The following GEMIN7 variants were observed in gnomAD, a reference collection of about 807,000 sequenced individuals.
GEMIN7 encodes gem-associated protein 7.
In GEMIN7, 7 loss-of-function variants were observed where a neutral mutation model predicts 7.8. That is an observed-to-expected ratio of 0.90 (90% CI 0.51 to 1.69). The LOEUF (loss-of-function observed/expected upper bound fraction) is 1.69, where lower values mean the gene tolerates loss of function less well. GEMIN7 is among the 40% of genes most tolerant of loss of function. GEMIN7 has a pLI of 0.00. For synonymous variants in GEMIN7, 68 were observed against 72.4 expected, an observed-to-expected ratio of 0.94 and a Z score of 0.31; for missense variants, 159 against 176.2, an observed-to-expected ratio of 0.90 and a Z score of 0.55.
upstream of GEMIN7, among the ~76,000 whole-genome samples, chr19:45,078,054 A>G (rs1967390815): frequency 6.8e-6 from 1 of 147,462 alleles, no homozygotes; most frequent in Non-Finnish European, 1.5e-5. Flanking sequence ...TTTAAGTTCC[A>G]TGGCAACCCA....
At chr19:45,079,754 A>AG (rs1353194185) in intron 1 of GEMIN7, among the ~76,000 whole-genome samples, 153 bp from the exon 2 acceptor site, 1 of 152,300 alleles carries the variant, frequency 6.6e-6, no homozygotes, top group East Asian at 1.9e-4. Flanking sequence ...GACCGGCCCC[A>AG]GGGGAGAAGG....
chr19:45,087,792 G>GGT (rs2122680491), intron 2 of GEMIN7, among the ~76,000 whole-genome samples: 1 of 152,176 alleles, frequency 6.6e-6, no homozygotes, highest in African/African-American at 2.4e-5. Context: ...GGGGGGTGAA[G>GGT]GTGGAAGCCA....
intron 2 of GEMIN7, among the ~76,000 whole-genome samples, chr19:45,081,671 T>G (rs1258098228): frequency 1.3e-5 from 2 of 151,998 alleles, no homozygotes; most frequent in Non-Finnish European, 1.5e-5. Flanking sequence ...CTGTCATCCA[T>G]GCTGGAATGC....
intron 2 of GEMIN7, among the ~76,000 whole-genome samples, chr19:45,081,338 C>T (rs1350388801): frequency 6.6e-6 from 1 of 151,868 alleles, no homozygotes; most frequent in Admixed American, 6.6e-5. Context: ...CGCCTGTAGT[C>T]CTAGTTACTT....
intron 1 of GEMIN7, among the ~76,000 whole-genome samples, chr19:45,079,660 A>G (rs1340439837): frequency 1.3e-5 from 2 of 152,142 alleles, no homozygotes; most frequent in Non-Finnish European, 2.9e-5. Flanking sequence ...CGGTGTGGGG[A>G]GTGGACGCCT....
rs537145515 is a variant in GEMIN7 at position 45,081,741 on chromosome 19, C to T, written c.-9+1712C>T. Among the ~76,000 whole-genome samples, 5 of 152,176 alleles carry T rather than the reference C, an allele frequency of 3.3e-5. No individual in the cohort carries two copies. In the East Asian group the frequency reaches 9.7e-4, roughly 30 times the overall value. On this transcript the variant is annotated intron_variant, in intron 2 of 2. Coordinates refer to ENST00000270257, the MANE Select transcript of GEMIN7 (RefSeq NM_024707.3). ...TCCCGGGTTCAAGCGATTCTTCTGCCTCAGCCTCCCGAGTAGCTGGGATTA... is the reference window on the plus strand; with the variant it reads ...TCCCGGGTTCAAGCGATTCTTCTGCTTCAGCCTCCCGAGTAGCTGGGATTA...
upstream of GEMIN7, chr19:45,076,076 CG>C: frequency 6.3e-7 from 1 of 1,581,422 alleles, no homozygotes; most frequent in Non-Finnish European, 8.6e-7. The surrounding 1 kb of genome is among the most constrained non-coding windows in gnomAD (Gnocchi z 4.9). Flanking sequence ...GGGTGCTCAC[CG>C]GGATAGTTCG....
upstream of GEMIN7, chr19:45,076,109 T>C (rs1967342868): frequency 6.4e-7 from 1 of 1,573,976 alleles, no homozygotes; most frequent in Non-Finnish European, 8.6e-7. This position sits in a 1 kb window ranked among gnomAD's most constrained non-coding sequence, Gnocchi z 4.9. Flanking sequence ...GTCCACAGGG[T>C]CCACGGGTTC....
upstream of GEMIN7, chr19:45,076,815 T>C (rs1355524774): frequency 6.3e-6 from 1 of 158,876 alleles, no homozygotes; most frequent in East Asian, 1.8e-4. The surrounding 1 kb of genome is among the most constrained non-coding windows in gnomAD (Gnocchi z 4.9). Flanking sequence ...TGCATTACAA[T>C]AAAAATTCAT....
At chr19:45,087,094 T>C (rs1334842514) in intron 2 of GEMIN7, among the ~76,000 whole-genome samples, 2 of 151,976 alleles carry the variant, frequency 1.3e-5, no homozygotes. Flanking sequence ...ATCCACCTGC[T>C]TTGGCCTCCC....
chr19:45,090,274 C>T lies in GEMIN7; in HGVS notation c.160C>T (p.Gln54Ter). ...CATAGCTCAAGAATCCCTGGAATCC[C>T]AGGAGCAGCGGGCACGAGCCGCCCT... The part of the protein sequence containing the change: ...CPIAQESLES[Q>*]EQRARAALRE... The change falls in exon 3 of 3, where the codon CAG (glutamine) becomes TAG (stop). Residue 54 changes from glutamine to a stop codon, truncating the protein, a stop_gained. Coordinates refer to ENST00000270257, the MANE Select transcript of GEMIN7 (RefSeq NM_024707.3). LOFTEE classifies it high-confidence loss of function. 6.2e-7 allele frequency: 1 copy of T among 1,614,202 alleles called. No individual in the cohort carries two copies. Among genetic ancestry groups the T allele is most frequent in the South Asian group, 1.1e-5 (1 of 91,086 alleles).
upstream of GEMIN7, among the ~76,000 whole-genome samples, chr19:45,078,071 C>T (rs1298091228): frequency 6.6e-6 from 1 of 150,434 alleles, no homozygotes; most frequent in Non-Finnish European, 1.5e-5. Context: ...CCCAGCCACC[C>T]ACTATCCCAT....
At chr19:45,077,848 GCCT>G (rs1220413935), upstream of GEMIN7, among the ~76,000 whole-genome samples, 1 of 151,176 alleles carries the variant, frequency 6.6e-6, no homozygotes, top group Non-Finnish European at 1.5e-5. Flanking sequence ...CTTCACTGCC[GCCT>G]CCTCTGATCA....
At chr19:45,075,674 C>A, upstream of GEMIN7, 1 of 1,605,400 alleles carries the variant, frequency 6.2e-7, no homozygotes, top group Non-Finnish European at 8.5e-7. Flanking sequence ...AAGCCCAGCC[C>A]TCGAACTTGA....
At chr19:45,080,334 C>G (rs893033469) in intron 2 of GEMIN7, among the ~76,000 whole-genome samples, 1 of 151,630 alleles carries the variant, frequency 6.6e-6, no homozygotes, top group Non-Finnish European at 1.5e-5. Context: ...CCAGAGTTTG[C>G]TCCCTCTTCC....
intron 2 of GEMIN7, among the ~76,000 whole-genome samples, chr19:45,083,039 G>A (rs760751414): frequency 1.2e-4 from 18 of 152,326 alleles, no homozygotes; most frequent in South Asian, 2.1e-4. Flanking sequence ...TATGGCTGCT[G>A]TTGTGCTACT....
chr19:45,084,113 A>G (rs1414476952), intron 2 of GEMIN7, among the ~76,000 whole-genome samples: 2 of 147,646 alleles, frequency 1.4e-5, no homozygotes, highest in African/African-American at 5.0e-5. Flanking sequence ...TGGGAGGCTG[A>G]GTGACGAGAA....
upstream of GEMIN7, chr19:45,075,943 G>A: frequency 6.3e-7 from 1 of 1,594,490 alleles, no homozygotes; most frequent in Non-Finnish European, 8.6e-7. Flanking sequence ...GGAAACCGAA[G>A]GTCAGAAGGG....
At chr19:45,076,228 C>G, upstream of GEMIN7, 1 of 1,508,892 alleles carries the variant, frequency 6.6e-7, no homozygotes, top group Non-Finnish European at 8.8e-7. The surrounding 1 kb of genome is among the most constrained non-coding windows in gnomAD (Gnocchi z 4.9). Context: ...GGAGAAGGGC[C>G]CCAGCCTTGG....
Sources: gnomAD v4.1 joint callset for allele counts (sites outside exome capture counted in the v4.1 genomes callset) on GRCh38, gnomAD v4.1.1 for gene constraint, Gnocchi (gnomAD v3.1) non-coding constraint, MANE v1.5 for transcripts, NCBI Gene and HGNC (gene_info 2026-07-23, HGNC 2026-07-21) for gene names.